Variants in AOAH observed in about 807,000 individuals in gnomAD.
AOAH encodes acyloxyacyl hydrolase (neutrophil).
In AOAH, 64 loss-of-function variants were observed where a neutral mutation model predicts 92.2. That is an observed-to-expected ratio of 0.69 (90% CI 0.57 to 0.86). The LOEUF (loss-of-function observed/expected upper bound fraction) is 0.86. Ranked by LOEUF, AOAH falls within the 40% of genes least tolerant of loss-of-function variation. The pLI is 0.00. For synonymous variants in AOAH, 263 were observed against 254.5 expected (o/e 1.03, Z -0.32); for missense variants, 656 against 694.6 (o/e 0.94, Z 0.62).
At chr7:36,540,880 GT>G (rs1785380092) in intron 15 of AOAH, among the ~76,000 whole-genome samples, 1 of 152,202 alleles carries the variant, frequency 6.6e-6, no homozygotes. Context: ...GACAAGTAGT[GT>G]GAGAGAGACG....
rs201629095 is a variant in AOAH at position 36,517,526 on chromosome 7, T to TA, written c.1600-4147dup. Reference sequence around the variant, plus strand: ...TTAAGCAAAAAGAGAAAAACACAATTAAAGTCATCTGTAATTAAAATAGAG... The same window carrying TA: ...TTAAGCAAAAAGAGAAAAACACAATTAAAAGTCATCTGTAATTAAAATAGAG... On this transcript the variant is annotated intron_variant, in intron 20 of 20. Transcript: ENST00000617537. Among the ~76,000 whole-genome samples, 1,171 of 151,450 alleles carry TA rather than the reference T, an allele frequency of 7.7e-3. 16 individuals are homozygous for TA. The highest frequency in any genetic ancestry group is 0.027 in the African/African-American group (1,099 of 41,396).
chr7:36,621,909 T>C (rs1792309359), intron 7 of AOAH, 129 bp from the exon 8 acceptor site: 1 of 771,488 alleles, frequency 1.3e-6, no homozygotes, highest in Non-Finnish European at 2.3e-6. Flanking sequence ...CTAGGATCAC[T>C]AAAGAGCACT....
intron 1 of AOAH, among the ~76,000 whole-genome samples, chr7:36,693,525 T>G (rs1343604097): frequency 9.8e-6 from 1 of 102,380 alleles, no homozygotes; most frequent in Non-Finnish European, 2.1e-5. Context: ...ATTTTTATAG[T>G]TGAAATTATT....
chr7:36,637,824 C>G lies in AOAH; in HGVS notation c.450+27G>C, dbSNP rs761333333. ...GAGAGAGGACATGCCAAGGAAAAGGCTGGCGTTCTACGTGCTTAGTGCTTA... is the reference window on the plus strand; with the variant it reads ...GAGAGAGGACATGCCAAGGAAAAGGGTGGCGTTCTACGTGCTTAGTGCTTA... On this transcript the variant is annotated intron_variant, in intron 5 of 20. Transcript: ENST00000617537. 5.6e-6 allele frequency: 9 copies of G among 1,610,008 alleles called. No individual in the cohort carries two copies. The East Asian group carries it at 2.0e-4, about 36-fold the overall frequency.
intron 11 of AOAH, among the ~76,000 whole-genome samples, chr7:36,615,618 A>G (rs955569632): frequency 4.6e-5 from 7 of 152,126 alleles, no homozygotes; most frequent in Non-Finnish European, 8.8e-5. Flanking sequence ...TTGCCACACA[A>G]TCTCCCCAGG....
At chr7:36,586,120 T>C (rs1789305326) in intron 12 of AOAH, among the ~76,000 whole-genome samples, 1 of 152,092 alleles carries the variant, frequency 6.6e-6, no homozygotes, top group Non-Finnish European at 1.5e-5. Context: ...CATTCTTTCC[T>C]TCATTCCCTT....
At chr7:36,565,856 C>T (rs1053059578) in intron 13 of AOAH, among the ~76,000 whole-genome samples, 2 of 152,028 alleles carry the variant, frequency 1.3e-5, no homozygotes, top group African/African-American at 2.4e-5. Context: ...TGAACATCTT[C>T]AATAATTATA....
chr7:36,722,138 A>G (rs28582358), intron 1 of AOAH, among the ~76,000 whole-genome samples: 56,440 of 151,978 alleles, frequency 0.37, 11,064 homozygotes, highest in East Asian at 0.53. Context: ...TCACTCCTAC[A>G]TGGAGAAGAA....
intron 11 of AOAH, among the ~76,000 whole-genome samples, chr7:36,601,103 C>T (rs746974026): frequency 3.3e-5 from 5 of 152,140 alleles, no homozygotes; most frequent in African/African-American, 4.8e-5. Flanking sequence ...TGGGGTCTGG[C>T]AGAGGAAGTT....
At chr7:36,559,185 A>G (rs1407086659) in intron 13 of AOAH, among the ~76,000 whole-genome samples, 1 of 152,212 alleles carries the variant, frequency 6.6e-6, no homozygotes, top group Admixed American at 6.5e-5. Context: ...TGTCTTTGCT[A>G]TTGTGAATAG....
chr7:36,608,347 A>G (rs537113276), intron 11 of AOAH, among the ~76,000 whole-genome samples: 4 of 152,190 alleles, frequency 2.6e-5, no homozygotes, highest in Non-Finnish European at 5.9e-5. Context: ...TCTGGAGATA[A>G]GTGACAGGTT....
intron 16 of AOAH, among the ~76,000 whole-genome samples, chr7:36,537,251 T>TC (rs1554281601): frequency 0.013 from 2,041 of 151,512 alleles, 8 homozygotes; most frequent in African/African-American, 0.022. Context: ...TTTTTTTTTT[T>TC]CCAAAACTAC....
At chr7:36,679,739 C>T (rs1317405034) in intron 2 of AOAH, among the ~76,000 whole-genome samples, 1 of 152,064 alleles carries the variant, frequency 6.6e-6, no homozygotes, top group Non-Finnish European at 1.5e-5. Context: ...CTCACTGCAA[C>T]CTCCACCTCC....
intron 4 of AOAH, among the ~76,000 whole-genome samples, chr7:36,656,468 A>C (rs1794899919): frequency 6.6e-6 from 1 of 152,048 alleles, no homozygotes; most frequent in African/African-American, 2.4e-5. Context: ...CTTAGTAGGT[A>C]ATGTTAGGTC....
intron 12 of AOAH, among the ~76,000 whole-genome samples, chr7:36,580,459 T>C (rs1174906798): frequency 6.6e-6 from 1 of 152,226 alleles, no homozygotes; most frequent in Non-Finnish European, 1.5e-5. Context: ...GAAGCACTTG[T>C]CTGCTATAGA....
intron 2 of AOAH, among the ~76,000 whole-genome samples, chr7:36,676,627 G>A (rs1310472553): frequency 6.6e-6 from 1 of 152,118 alleles, no homozygotes; most frequent in Non-Finnish European, 1.5e-5. Context: ...CATACGAAAA[G>A]TCAAGCGACT....
chr7:36,631,608 T>G (rs1338149649), intron 6 of AOAH, among the ~76,000 whole-genome samples: 1 of 152,192 alleles, frequency 6.6e-6, no homozygotes, highest in Non-Finnish European at 1.5e-5. Flanking sequence ...GTTTGGGCGC[T>G]GTGAAAACAC....
chr7:36,516,097 C>T lies in AOAH; in HGVS notation c.1600-2717G>A, dbSNP rs988399610. 6.7e-6 allele frequency among the ~76,000 whole-genome samples: 1 copy of T among 149,578 alleles called. No individual in the cohort carries two copies. Among genetic ancestry groups the T allele is most frequent in the Non-Finnish European group, 1.5e-5 (1 of 67,116 alleles). ...ACACGCCACATACACACCATACACA[C>T]ACCACACAGATACATCACACACACA... On this transcript the variant is annotated intron_variant, in intron 20 of 20. Coordinates refer to ENST00000617537, the MANE Select transcript of AOAH (RefSeq NM_001637.4). The surrounding 1 kb of genome is among the most constrained non-coding windows in gnomAD (Gnocchi z 5.0).
At position 36,576,640 on chromosome 7, in the gene AOAH, T is replaced by C. The variant is rs1041794205; in HGVS notation, c.955A>G (p.Ile319Val). 1.3e-6 allele frequency: 2 copies of C among 1,558,322 alleles called. No homozygotes were observed. The highest frequency in any genetic ancestry group is 1.8e-6 in the Non-Finnish European group (2 of 1,140,230). Residue 319 changes from isoleucine to valine, a missense_variant, in exon 13 of 21, where the codon ATT becomes GTT. Transcript: ENST00000617537. ...TTTCTTTTCCATAAGCGAAGGTAAA[T>C]AGATTTTTCTTTAATTCTGAAACAA... is the stretch of plus-strand genomic sequence containing the variant. ...DSTVGIKEKS[I>V]YLRLWKRNHC... is the part of the protein sequence containing the mutation.
Sources: gnomAD v4.1 joint callset for allele counts (sites outside exome capture counted in the v4.1 genomes callset) on GRCh38, gnomAD v4.1.1 for gene constraint, Gnocchi (gnomAD v3.1) non-coding constraint, MANE v1.5 for transcripts, NCBI Gene and HGNC (gene_info 2026-07-23, HGNC 2026-07-21) for gene names.